The following DSCAM variants were observed in gnomAD, a reference collection of about 807,000 sequenced individuals.
The protein encoded by DSCAM is DS cell adhesion molecule, also known as cell adhesion molecule DSCAM.
Under a neutral mutation model 217.7 loss-of-function variants are expected in DSCAM, and 47 were observed. The observed-to-expected ratio is 0.22, with a 90% CI of 0.17 to 0.28. The LOEUF (loss-of-function observed/expected upper bound fraction) is 0.28, where lower values mean the gene tolerates loss of function less well. DSCAM is among the 10% of genes least tolerant of loss of function. The pLI is 1.00. For missense variants in DSCAM, 2,080 were observed against 2,618.3 expected (o/e 0.79, Z 4.49); for synonymous variants, 1,056 against 1,015.3 (o/e 1.04, Z -0.76).
intron 1 of DSCAM, among the ~76,000 whole-genome samples, chr21:40,824,230 C>T (rs1431884639): frequency 6.6e-6 from 1 of 151,984 alleles, no homozygotes; most frequent in Non-Finnish European, 1.5e-5. Context: ...GCTTGGCCAC[C>T]CTTCCACCAA....
intron 3 of DSCAM, among the ~76,000 whole-genome samples, chr21:40,686,609 G>T (rs879335354): frequency 1.3e-5 from 2 of 152,126 alleles, no homozygotes; most frequent in African/African-American, 2.4e-5. Flanking sequence ...AGTCAAAAGC[G>T]TACTTCTCTG....
intron 20 of DSCAM, among the ~76,000 whole-genome samples, chr21:40,110,529 G>T (rs1192393151): frequency 1.3e-5 from 2 of 152,186 alleles, no homozygotes; most frequent in African/African-American, 2.4e-5. Flanking sequence ...CCAAAGGAAC[G>T]TAGCTCCTCA....
chr21:40,349,076 G>A (rs1419438844), intron 5 of DSCAM, among the ~76,000 whole-genome samples: 3 of 139,560 alleles, frequency 2.1e-5, no homozygotes, highest in Admixed American at 1.6e-4. Context: ...AGAGGAGCTT[G>A]CAGTGAGCTG....
chr21:40,133,334 A>G (rs2090173050), intron 19 of DSCAM, among the ~76,000 whole-genome samples: 1 of 152,242 alleles, frequency 6.6e-6, no homozygotes, highest in South Asian at 2.1e-4. Flanking sequence ...TTAAATTTTT[A>G]CTAAATCACC....
intron 1 of DSCAM, among the ~76,000 whole-genome samples, chr21:40,713,963 A>G (rs1019596620): frequency 3.3e-5 from 5 of 152,170 alleles, no homozygotes; most frequent in African/African-American, 1.2e-4. Flanking sequence ...TGCCCCAGCC[A>G]TGGCTCAAGT....
intron 1 of DSCAM, among the ~76,000 whole-genome samples, chr21:40,735,037 A>T (rs73224237): frequency 0.042 from 6,220 of 147,586 alleles, 205 homozygotes; most frequent in Middle Eastern, 0.066. Flanking sequence ...ATGAATTTTT[A>T]AAAAATTGCT....
At chr21:40,151,999 C>G (rs1055752107) in intron 16 of DSCAM, among the ~76,000 whole-genome samples, 1 of 152,108 alleles carries the variant, frequency 6.6e-6, no homozygotes, top group Non-Finnish European at 1.5e-5. Context: ...ACTTACTCAG[C>G]CAGCCGGTGG....
chr21:40,111,992 C>T (rs963115164), intron 20 of DSCAM, among the ~76,000 whole-genome samples: 4 of 151,970 alleles, frequency 2.6e-5, no homozygotes, highest in Non-Finnish European at 5.9e-5. Flanking sequence ...CTACTGTCAA[C>T]ATTAGACAGA....
At chr21:40,187,091 T>C (rs1568989354) in intron 14 of DSCAM, 40 bp downstream of exon 14, 1 of 1,608,052 alleles carries the variant, frequency 6.2e-7, no homozygotes, top group Admixed American at 1.7e-5. Flanking sequence ...AAAAGAACTT[T>C]CTGAGGTGGA....
chr21:40,030,710 T>A (rs1442575900), intron 32 of DSCAM, among the ~76,000 whole-genome samples: 1 of 152,202 alleles, frequency 6.6e-6, no homozygotes, highest in Non-Finnish European at 1.5e-5. Context: ...CATGTGCTAA[T>A]CCTGATTTCT....
chr21:40,819,953 G>T (rs1287079898), intron 1 of DSCAM, among the ~76,000 whole-genome samples: 1 of 152,118 alleles, frequency 6.6e-6, no homozygotes, highest in Non-Finnish European at 1.5e-5. Flanking sequence ...ATCATCATCA[G>T]GAATGGGATA....
chr21:40,702,585 G>C (rs2090668863), intron 2 of DSCAM, among the ~76,000 whole-genome samples: 1 of 152,004 alleles, frequency 6.6e-6, no homozygotes, highest in African/African-American at 2.4e-5. Flanking sequence ...GGCAATTTCT[G>C]CCTTATAATT....
intron 4 of DSCAM, among the ~76,000 whole-genome samples, chr21:40,359,946 C>T (rs1261980426): frequency 1.3e-5 from 2 of 152,054 alleles, no homozygotes; most frequent in East Asian, 3.9e-4. Context: ...AGTAAACTAC[C>T]TCTCAACAAA....
chr21:40,236,899 T>G (rs1403514899), intron 11 of DSCAM, among the ~76,000 whole-genome samples: 2 of 152,154 alleles, frequency 1.3e-5, no homozygotes, highest in Admixed American at 1.3e-4. Context: ...CGAGAAGCCA[T>G]GGACAGCTTT....
intron 32 of DSCAM, among the ~76,000 whole-genome samples, chr21:40,037,660 A>T (rs1263238828): frequency 6.7e-6 from 1 of 150,124 alleles, no homozygotes; most frequent in Non-Finnish European, 1.5e-5. Flanking sequence ...GAATTGGAAG[A>T]AACTACTTTA....
chr21:40,208,910 C>T (rs1395022525), intron 11 of DSCAM, among the ~76,000 whole-genome samples: 1 of 152,264 alleles, frequency 6.6e-6, no homozygotes, highest in Middle Eastern at 3.4e-3. Context: ...AGGAAGCATG[C>T]AACTAAGGAA....
intron 3 of DSCAM, among the ~76,000 whole-genome samples, chr21:40,391,978 G>A (rs1049612724): frequency 3.3e-5 from 5 of 152,128 alleles, no homozygotes; most frequent in Admixed American, 1.3e-4. Flanking sequence ...CATGGAGTTC[G>A]GGCTGTGGGA....
At chr21:40,275,770 A>G (rs1157894046) in intron 11 of DSCAM, among the ~76,000 whole-genome samples, 5 of 152,180 alleles carry the variant, frequency 3.3e-5, no homozygotes, top group East Asian at 1.9e-4. Flanking sequence ...CAGGGTAGCA[A>G]TGTGGGTGTT....
intron 1 of DSCAM, among the ~76,000 whole-genome samples, chr21:40,728,042 A>G (rs1268224295): frequency 1.3e-5 from 2 of 151,970 alleles, no homozygotes; most frequent in African/African-American, 4.8e-5. Context: ...CCCCTCAGGG[A>G]TGCTTCCCCT....
Sources: allele counts gnomAD v4.1 joint callset (sites outside exome capture counted in the v4.1 genomes callset), GRCh38; gene constraint gnomAD v4.1.1; transcripts MANE v1.5; gene names NCBI Gene and HGNC (gene_info 2026-07-23, HGNC 2026-07-21).